The following SWT1 variants were observed in gnomAD, a reference collection of about 807,000 sequenced individuals.
SWT1 encodes the protein transcriptional protein SWT1.
A neutral mutation model predicts 107.3 loss-of-function variants in SWT1; 33 were observed. The ratio of observed to expected loss-of-function variants is 0.31; its 90% CI spans 0.23 to 0.41. The LOEUF is 0.41. Among genes scored for constraint, SWT1 ranks in the 10% least tolerant of loss-of-function variants. SWT1 has a pLI of 1.00. For synonymous variants in SWT1, 345 were observed against 348.3 expected (o/e 0.99, Z 0.11); for missense variants, 898 against 1,028.9 (o/e 0.87, Z 1.74).
At position 185,291,466 on chromosome 1, in the gene SWT1, T is replaced by G. The variant is rs1475333419; in HGVS notation, c.*663T>G. On this transcript the variant is annotated 3_prime_UTR_variant, in exon 19 of 19. Transcript: ENST00000367500. ...CCCCTCTGCTGGGTTTCTCCTTAAA[T>G]GTGAAGCAAAATAAATTTATATAAT... The G allele has an allele frequency of 6.6e-6, 1 of 152,606 alleles. No homozygotes were observed. The highest frequency in any genetic ancestry group is 2.4e-5 in the African/African-American group (1 of 41,440). The allele number at this position is 152,606 out of a possible 1,614,324, so 9.5% of individuals were successfully genotyped here.
chr1:185,157,969 A>T (rs1571370121), intron 1 of SWT1, among the ~76,000 whole-genome samples: 1 of 152,134 alleles, frequency 6.6e-6, no homozygotes, highest in East Asian at 1.9e-4. Flanking sequence ...CCCGCGATAA[A>T]TCCACTGGGA....
At chr1:185,182,685 A>G (rs949673866) in intron 7 of SWT1, among the ~76,000 whole-genome samples, 5 of 151,208 alleles carry the variant, frequency 3.3e-5, no homozygotes, top group Admixed American at 2.6e-4. Flanking sequence ...AAAAAAAAAA[A>G]AAAAAAAGAA....
At chr1:185,237,532 C>CGG (rs1660975894) in intron 16 of SWT1, among the ~76,000 whole-genome samples, 2 of 152,096 alleles carry the variant, frequency 1.3e-5, no homozygotes, top group African/African-American at 4.8e-5. Flanking sequence ...AGGGGAACAT[C>CGG]ACACACTGGG....
At chr1:185,216,173 C>T (rs1373212572) in intron 14 of SWT1, among the ~76,000 whole-genome samples, 1 of 152,044 alleles carries the variant, frequency 6.6e-6, no homozygotes, top group Non-Finnish European at 1.5e-5. Flanking sequence ...AATATGTGAT[C>T]ATTCTTGAGG....
intron 10 of SWT1, among the ~76,000 whole-genome samples, chr1:185,196,537 T>C (rs1237436565): frequency 1.3e-5 from 2 of 152,242 alleles, no homozygotes; most frequent in African/African-American, 4.8e-5. Context: ...CAATGGTAGC[T>C]TGATCAGGAT....
chr1:185,188,126 A>G (rs776348249), intron 9 of SWT1, among the ~76,000 whole-genome samples: 3 of 152,220 alleles, frequency 2.0e-5, no homozygotes, highest in Non-Finnish European at 4.4e-5. Context: ...CATACCTAGT[A>G]AGTGGGAAAA....
chr1:185,285,923 C>T (rs575284312), intron 18 of SWT1, among the ~76,000 whole-genome samples: 10 of 152,342 alleles, frequency 6.6e-5, no homozygotes, highest in African/African-American at 2.4e-4. Flanking sequence ...GTCTGTCTGT[C>T]TGCTCATACC....
At chr1:185,181,247 G>C (rs1655996277) in intron 6 of SWT1, among the ~76,000 whole-genome samples, 1 of 152,208 alleles carries the variant, frequency 6.6e-6, no homozygotes, top group Non-Finnish European at 1.5e-5. Context: ...CAGCCTGGCT[G>C]ACAGAGCAAG....
At chr1:185,228,707 A>G (rs979170908) in intron 15 of SWT1, among the ~76,000 whole-genome samples, 2 of 152,180 alleles carry the variant, frequency 1.3e-5, no homozygotes, top group Admixed American at 6.6e-5. Flanking sequence ...AGGAAAGAAG[A>G]AATGGAGGAA....
At chr1:185,279,149 C>T (rs1664449679) in intron 18 of SWT1, among the ~76,000 whole-genome samples, 1 of 152,208 alleles carries the variant, frequency 6.6e-6, no homozygotes. Flanking sequence ...CGGTTTTACT[C>T]ATATAGATTT....
intron 10 of SWT1, among the ~76,000 whole-genome samples, chr1:185,200,176 G>A (rs377076748): frequency 6.6e-6 from 1 of 151,738 alleles, no homozygotes; most frequent in African/African-American, 2.4e-5. Flanking sequence ...CTTAGCTTCC[G>A]TGCATTGAGT....
chr1:185,185,535 T>C (rs969070365), intron 9 of SWT1, among the ~76,000 whole-genome samples: 1 of 152,168 alleles, frequency 6.6e-6, no homozygotes, highest in African/African-American at 2.4e-5. Flanking sequence ...TTTATACATA[T>C]ATATTTAGAA....
chr1:185,286,735 C>A (rs78979360), intron 18 of SWT1, among the ~76,000 whole-genome samples: 114 of 152,266 alleles, frequency 7.5e-4, no homozygotes, highest in African/African-American at 2.6e-3. Context: ...TTAGGATCTA[C>A]AAATAGAAAT....
At chr1:185,260,702 G>C (rs1196139348) in intron 16 of SWT1, among the ~76,000 whole-genome samples, 1 of 152,158 alleles carries the variant, frequency 6.6e-6, no homozygotes, top group Non-Finnish European at 1.5e-5. Context: ...ACAAGGTCAA[G>C]TGAAAGGGTT....
At chr1:185,170,268 C>A (rs1654935594) in intron 4 of SWT1, among the ~76,000 whole-genome samples, 1 of 152,224 alleles carries the variant, frequency 6.6e-6, no homozygotes, top group African/African-American at 2.4e-5. Flanking sequence ...GTTCCAGTTT[C>A]TGAAGGGCAC....
In SWT1 at chr1:185,224,399, A is replaced by G. The variant is rs77732195; in HGVS notation, c.2309+2363A>G. Among the ~76,000 whole-genome samples the G allele has an allele frequency of 5.9e-3, 892 of 152,042 alleles. 34 individuals are homozygous for G. The East Asian group carries it at 0.095, about 16-fold the overall frequency. Reference sequence around the variant, plus strand: ...TGGTTAATTTTTGGTTGTTTGTGGTATATTTTGAAATCAGGTAGTGTGATG... The same window carrying G: ...TGGTTAATTTTTGGTTGTTTGTGGTGTATTTTGAAATCAGGTAGTGTGATG... On this transcript the variant is annotated intron_variant, in intron 15 of 18. Coordinates refer to ENST00000367500, the MANE Select transcript of SWT1 (RefSeq NM_017673.7).
intron 16 of SWT1, among the ~76,000 whole-genome samples, chr1:185,237,759 A>G (rs966599179): frequency 2.6e-5 from 4 of 152,144 alleles, no homozygotes. Context: ...TTAAATCTGA[A>G]TCTGAGAATG....
At chr1:185,245,226 A>G (rs78607113) in intron 16 of SWT1, among the ~76,000 whole-genome samples, 2,073 of 152,208 alleles carry the variant, frequency 0.014, 24 homozygotes, top group Non-Finnish European at 0.021. Context: ...TTTTCTTTTT[A>G]TAACAATTTT....
At chr1:185,215,763 C>G (rs1008530835) in intron 14 of SWT1, among the ~76,000 whole-genome samples, 1 of 152,046 alleles carries the variant, frequency 6.6e-6, no homozygotes, top group African/African-American at 2.4e-5. Context: ...CTAGTCTTGA[C>G]TCCTGGACTC....
Sources: gnomAD v4.1 joint callset for allele counts (sites outside exome capture counted in the v4.1 genomes callset) on GRCh38, gnomAD v4.1.1 for gene constraint, MANE v1.5 for transcripts, NCBI Gene and HGNC (gene_info 2026-07-23, HGNC 2026-07-21) for gene names.